ACTN2: variants seen among roughly 807,000 people sequenced by gnomAD.
ACTN2 encodes the protein actinin alpha 2.
Under a neutral mutation model 113.8 loss-of-function variants are expected in ACTN2, and 39 were observed. The ratio of observed to expected loss-of-function variants is 0.34; its 90% confidence interval spans 0.27 to 0.45. The LOEUF (loss-of-function observed/expected upper bound fraction) is 0.45. Among genes scored for constraint, ACTN2 ranks in the 20% least tolerant of loss-of-function variants. The pLI, the probability that ACTN2 is intolerant of heterozygous loss-of-function variation, is 1.00. For synonymous variants in ACTN2, 429 were observed against 444.1 expected (o/e 0.97, Z 0.43); for missense variants, 992 against 1,177.9 (o/e 0.84, Z 2.31).
chr1:236,746,633 G>T (rs756982161), intron 12 of ACTN2, among the ~76,000 whole-genome samples: 4 of 151,688 alleles, frequency 2.6e-5, no homozygotes, highest in African/African-American at 4.9e-5. Context: ...TTGAGCCTAA[G>T]AGTCTGAGGC....
intron 1 of ACTN2, among the ~76,000 whole-genome samples, chr1:236,716,314 C>G (rs1658211203): frequency 6.6e-6 from 1 of 152,072 alleles, no homozygotes; most frequent in Non-Finnish European, 1.5e-5. Flanking sequence ...CCCCTACTCC[C>G]CAGTTTGATG....
chr1:236,715,314 C>G (rs1331752939), intron 1 of ACTN2, among the ~76,000 whole-genome samples: 1 of 112,176 alleles, frequency 8.9e-6, no homozygotes, highest in Non-Finnish European at 1.7e-5. Flanking sequence ...CCCCTCCCCC[C>G]ACCCTGTTAC....
intron 1 of ACTN2, among the ~76,000 whole-genome samples, chr1:236,697,998 T>A (rs1657568563): frequency 6.7e-6 from 1 of 149,418 alleles, no homozygotes; most frequent in Non-Finnish European, 1.5e-5. Context: ...GGTCTTGAGC[T>A]CCTGACCTCA....
intron 8 of ACTN2, 87 bp downstream of exon 8, chr1:236,735,807 T>C: frequency 8.8e-7 from 1 of 1,140,478 alleles, no homozygotes; most frequent in Middle Eastern, 1.9e-4. Flanking sequence ...GTTTGTGCGC[T>C]TCACATCTTA....
intron 1 of ACTN2, among the ~76,000 whole-genome samples, chr1:236,715,983 G>A (rs1010025250): frequency 3.3e-5 from 5 of 151,944 alleles, no homozygotes; most frequent in African/African-American, 1.2e-4. Flanking sequence ...AATAAATAAA[G>A]TGGATGGCTT....
At chr1:236,758,367 C>A (rs572068278) in intron 18 of ACTN2, among the ~76,000 whole-genome samples, 5 of 150,702 alleles carry the variant, frequency 3.3e-5, no homozygotes, top group Admixed American at 2.0e-4. Flanking sequence ...CTCACTGCAA[C>A]CTCCGCCTCC....
intron 1 of ACTN2, among the ~76,000 whole-genome samples, chr1:236,716,652 G>T (rs1658223342): frequency 6.6e-6 from 1 of 151,850 alleles, no homozygotes; most frequent in African/African-American, 2.4e-5. Context: ...GGAGGTTATT[G>T]TTATTATTTT....
intron 1 of ACTN2, among the ~76,000 whole-genome samples, chr1:236,700,500 A>G (rs1026949346): frequency 6.6e-6 from 1 of 152,156 alleles, no homozygotes; most frequent in African/African-American, 2.4e-5. Flanking sequence ...CTGGTAGTAC[A>G]TTTACTGTGT....
Position 236,761,047 on chromosome 1 carries a change from G to C in ACTN2, c.2400G>C (p.Leu800=). ...GEAEFARIMT[L]VDPNGQGTVT... is the part of the protein sequence containing the mutation. Reference sequence around the variant, plus strand: ...CCGAATTTGCCCGCATTATGACCCTGGTAGATCCCAACGGGCAAGGCACCG... The same window carrying C: ...CCGAATTTGCCCGCATTATGACCCTCGTAGATCCCAACGGGCAAGGCACCG... Residue 800 remains leucine (L), a synonymous_variant, in exon 20 of 21, where the codon CTG becomes CTC. Transcript: ENST00000366578. 1 of 1,614,134 alleles carries C rather than the reference G, an allele frequency of 6.2e-7. No homozygotes were observed. Among genetic ancestry groups the C allele is most frequent in the Non-Finnish European group, 8.5e-7 (1 of 1,180,032 alleles).
At chr1:236,716,675 CTA>C (rs1248791762) in intron 1 of ACTN2, among the ~76,000 whole-genome samples, 2 of 151,810 alleles carry the variant, frequency 1.3e-5, no homozygotes, top group Non-Finnish European at 2.9e-5. Context: ...CAATGATAGA[CTA>C]TACTGCAAAT....
intron 10 of ACTN2, among the ~76,000 whole-genome samples, chr1:236,742,223 G>A (rs1040625336): frequency 1.3e-5 from 2 of 152,016 alleles, no homozygotes; most frequent in South Asian, 2.1e-4. Context: ...ATCGCTTTCC[G>A]AAATGAACTT....
Position 236,744,732 on chromosome 1 carries a change from C to T in ACTN2, c.1362C>T (p.His454=), listed in dbSNP as rs1407101745. 6.2e-7 allele frequency: 1 copy of T among 1,614,176 alleles called. No individual in the cohort carries two copies. The highest frequency in any genetic ancestry group is 1.7e-5 in the Admixed American group (1 of 60,026). ...CGTTCGAGAGCGACCTGGCAGCGCA[C>T]CAGGACCGCGTGGAGCAGATCGCAG... ...HEAFESDLAA[H]QDRVEQIAAI... Residue 454 remains histidine, a synonymous_variant, in exon 12 of 21, where the codon CAC becomes CAT. Coordinates refer to ENST00000366578, the MANE Select transcript of ACTN2 (RefSeq NM_001103.4).
chr1:236,728,503 A>G (rs971352603), intron 6 of ACTN2, among the ~76,000 whole-genome samples: 6 of 152,192 alleles, frequency 3.9e-5, no homozygotes, highest in Non-Finnish European at 5.9e-5. Flanking sequence ...AGTTGTAGAC[A>G]TATTTATTCA....
At position 236,755,145 on chromosome 1, in the gene ACTN2, C is replaced by T; in HGVS notation, c.2101C>T (p.Leu701Phe). 6.2e-7 allele frequency: 1 copy of T among 1,614,242 alleles called. No individual in the cohort carries two copies. Among genetic ancestry groups the T allele is most frequent in the South Asian group, 1.1e-5 (1 of 91,084 alleles). The change falls in exon 17 of 21, where the codon CTC becomes TTC. Residue 701 changes from leucine to phenylalanine, a missense_variant. Physicochemically the swap from Leu to Phe is conservative, Grantham distance 22. Around this residue, in one of 3 missense-constraint regions of ACTN2, gnomAD observed 736 missense variants for 815.4 expected, o/e 0.90. Coordinates refer to ENST00000366578, the MANE Select transcript of ACTN2 (RefSeq NM_001103.4). ...NIDKLEGDHQLIQEALVFDNK... is the reference protein window; with the variant it reads ...NIDKLEGDHQFIQEALVFDNK... ...CGACAAGCTGGAGGGAGACCATCAGCTCATCCAGGAGGCCCTTGTCTTTGA... is the reference window on the plus strand; with the variant it reads ...CGACAAGCTGGAGGGAGACCATCAGTTCATCCAGGAGGCCCTTGTCTTTGA...
At chr1:236,715,401 A>G (rs1572109723) in intron 1 of ACTN2, among the ~76,000 whole-genome samples, 1 of 150,658 alleles carries the variant, frequency 6.6e-6, no homozygotes, top group Non-Finnish European at 1.5e-5. Flanking sequence ...TTAAAAAATA[A>G]GTAATGAATT....
At chr1:236,709,607 A>G (rs138136217) in intron 1 of ACTN2, among the ~76,000 whole-genome samples, 1 of 152,084 alleles carries the variant, frequency 6.6e-6, no homozygotes, top group East Asian at 1.9e-4. Flanking sequence ...GAATTGACCA[A>G]GCAGACCTCT....
intron 13 of ACTN2, among the ~76,000 whole-genome samples, chr1:236,748,760 G>A (rs1215557328): frequency 6.6e-6 from 1 of 152,184 alleles, no homozygotes; most frequent in Non-Finnish European, 1.5e-5. Context: ...TGCATTTTCT[G>A]TTAATCTGGC....
rs984878604 is a variant in ACTN2, at chr1:236,763,814, C to G, written c.*1195C>G. On this transcript the variant is annotated 3_prime_UTR_variant, in exon 21 of 21. Coordinates refer to ENST00000366578, the MANE Select transcript of ACTN2 (RefSeq NM_001103.4). ...GCTCCATGACACAGGATGCTACATG[C>G]ACTCCTGCTAGCACATCTTGATCTG... The G allele has an allele frequency of 1.3e-5, 2 of 152,252 alleles. No individual in the cohort carries two copies. Among genetic ancestry groups the G allele is most frequent in the South Asian group, 2.1e-4 (1 of 4,828 alleles). The allele number at this position is 152,252 out of a possible 1,614,324, so 9.4% of individuals were successfully genotyped here.
intron 1 of ACTN2, among the ~76,000 whole-genome samples, chr1:236,702,096 A>G (rs1257244964): frequency 6.6e-6 from 1 of 152,220 alleles, no homozygotes; most frequent in African/African-American, 2.4e-5. Flanking sequence ...GGATTTTAAA[A>G]TGTGATATCA....
Sources: allele counts gnomAD v4.1 joint callset (sites outside exome capture counted in the v4.1 genomes callset), GRCh38; gene constraint gnomAD v4.1.1; regional missense constraint gnomAD v4.1.1; transcripts MANE v1.5; gene names NCBI Gene and HGNC (gene_info 2026-07-23, HGNC 2026-07-21).